The following AMPD3 variants were observed in gnomAD, a reference collection of about 807,000 sequenced individuals.
AMPD3 encodes AMP deaminase 3.
A neutral mutation model predicts 82.3 loss-of-function variants in AMPD3; 57 were observed. The observed-to-expected ratio is 0.69, with a 90% CI of 0.56 to 0.86. The LOEUF (loss-of-function observed/expected upper bound fraction) is 0.86. Among genes scored for constraint, AMPD3 ranks in the 40% least tolerant of loss-of-function variants. The pLI is 0.00. For missense variants in AMPD3, 870 were observed against 1,003.8 expected (o/e 0.87, Z 1.80); for synonymous variants, 381 against 394.7 (o/e 0.97, Z 0.41).
intron 3 of AMPD3, chr11:10,479,983 G>A: frequency 1.0e-6 from 1 of 985,372 alleles, no homozygotes; most frequent in Non-Finnish European, 1.2e-6. Flanking sequence ...GGTGGGCAGG[G>A]CATTGGAAAG....
At chr11:10,486,687 G>A in intron 5 of AMPD3, 1 of 985,442 alleles carries the variant, frequency 1.0e-6, no homozygotes, top group Non-Finnish European at 1.2e-6. Flanking sequence ...TCAGGGGGCT[G>A]GTTCCTCTGC....
chr11:10,507,341 G>T lies in AMPD3; in HGVS notation c.*1457G>T, dbSNP rs1363312055. The T allele has an allele frequency of 6.6e-6, 1 of 152,010 alleles. No individual in the cohort carries two copies. The highest frequency in any genetic ancestry group is 6.5e-5 in the Admixed American group (1 of 15,268). The allele number at this position is 152,010 out of a possible 1,614,324, so 9.4% of individuals were successfully genotyped here. On this transcript the variant is annotated 3_prime_UTR_variant, in exon 15 of 15. Coordinates refer to ENST00000396553, the MANE Select transcript of AMPD3 (RefSeq NM_001025389.2). ...TTTATAATGCCTGTCCCCTCCACTG[G>T]TCAATTCAGCATATGGAAGTATAAA...
chr11:10,502,761 C>T lies in AMPD3; in HGVS notation c.1883C>T (p.Pro628Leu). Residue 628 changes from proline (P) to leucine (L), a missense_variant, in exon 13 of 15, where the codon CCC becomes CTC. By Grantham distance (98) the Pro-to-Leu change is moderately conservative (BLOSUM62 -3). Coordinates refer to ENST00000396553, the MANE Select transcript of AMPD3 (RefSeq NM_001025389.2). ...LQYLYYLAQIPIAMSPLSNNS... is the reference protein window; with the variant it reads ...LQYLYYLAQILIAMSPLSNNS... ...TATCTCTACTACCTTGCTCAGATCC[C>T]CATTGCCATGTCTCCTCTTAGCAAC... 6.2e-7 allele frequency: 1 copy of T among 1,614,224 alleles called. No homozygotes were observed. Among genetic ancestry groups the T allele is most frequent in the African/African-American group, 1.3e-5 (1 of 75,060 alleles).
intron 2 of AMPD3, among the ~76,000 whole-genome samples, chr11:10,476,127 T>C (rs1169363129): frequency 6.6e-6 from 1 of 152,222 alleles, no homozygotes; most frequent in Non-Finnish European, 1.5e-5. Context: ...ATCCTTGGGC[T>C]CCATATAGCT....
chr11:10,500,607 T>A, intron 11 of AMPD3: 2 of 985,414 alleles, frequency 2.0e-6, no homozygotes, highest in Non-Finnish European at 2.4e-6. Flanking sequence ...AATGGAAGCA[T>A]AGGACATGCT....
At chr11:10,455,143 G>A, upstream of AMPD3, 1 of 985,310 alleles carries the variant, frequency 1.0e-6, no homozygotes, top group Non-Finnish European at 1.2e-6. Flanking sequence ...TCCTTCCTGA[G>A]CTCTTCTCCC....
upstream of AMPD3, among the ~76,000 whole-genome samples, chr11:10,452,524 C>G (rs375640064): frequency 6.6e-6 from 1 of 151,890 alleles, no homozygotes; most frequent in Non-Finnish European, 1.5e-5. Flanking sequence ...GAAGGATGTT[C>G]CTCCTCCTGA....
chr11:10,460,410 T>C (rs1330461970), intron 1 of AMPD3, among the ~76,000 whole-genome samples: 1 of 39,330 alleles, frequency 2.5e-5, no homozygotes, highest in African/African-American at 7.1e-5. Context: ...CAGAGTATAC[T>C]TTTTTTTTTT....
chr11:10,496,712 A>C, intron 9 of AMPD3, 100 bp from the exon 10 acceptor site: 1 of 1,589,546 alleles, frequency 6.3e-7, no homozygotes, highest in East Asian at 2.2e-5. Context: ...TGGGTGTTTG[A>C]TGGGGACACA....
Position 10,455,305 on chromosome 11 carries a change from G to A in AMPD3, c.-149G>A. 1 of 985,476 alleles carries A rather than the reference G, an allele frequency of 1.0e-6. No homozygotes were observed. Among genetic ancestry groups the A allele is most frequent in the Non-Finnish European group, 1.2e-6 (1 of 829,966 alleles). The allele number at this position is 985,476 out of a possible 1,614,324, so 61.0% of individuals were successfully genotyped here. Reference sequence around the variant, plus strand: ...GATGAAGATCAGAGCTTTGCACCCTGTGATGCCATTTTAATCAACCCTGCT... The same window carrying A: ...GATGAAGATCAGAGCTTTGCACCCTATGATGCCATTTTAATCAACCCTGCT... On this transcript the variant is annotated 5_prime_UTR_variant, in exon 1 of 15. The change creates a new upstream start codon in the 5' untranslated region. Coordinates refer to ENST00000396553, the MANE Select transcript of AMPD3 (RefSeq NM_001025389.2).
intron 2 of AMPD3, among the ~76,000 whole-genome samples, chr11:10,468,083 T>C (rs1473147211): frequency 6.6e-6 from 1 of 152,094 alleles, no homozygotes; most frequent in Non-Finnish European, 1.5e-5. Flanking sequence ...GTAAAGACTA[T>C]CAACACTTCG....
intron 1 of AMPD3, among the ~76,000 whole-genome samples, chr11:10,458,306 TCCC>T (rs1848161397): frequency 1.4e-5 from 2 of 142,840 alleles, no homozygotes; most frequent in African/African-American, 2.6e-5. Flanking sequence ...GCTCCCTCCC[TCCC>T]TCCCTTCGGC....
intron 9 of AMPD3, chr11:10,496,283 C>T: frequency 1.0e-6 from 1 of 985,326 alleles, no homozygotes; most frequent in Non-Finnish European, 1.2e-6. Flanking sequence ...CTACCCCCGC[C>T]TTCTTCTCAT....
intron 8 of AMPD3, 54 bp from the exon 9 acceptor site, chr11:10,495,516 G>C: frequency 6.2e-7 from 1 of 1,611,668 alleles, no homozygotes; most frequent in Non-Finnish European, 8.5e-7. Flanking sequence ...GAGAGTGAGA[G>C]TCTCCCATGT....
In AMPD3 at chr11:10,487,311, G is replaced by A. The variant is rs372251959; in HGVS notation, c.886G>A (p.Glu296Lys). 5.0e-5 allele frequency: 80 copies of A among 1,614,060 alleles called. No individual in the cohort carries two copies. Among genetic ancestry groups the A allele is most frequent in the Non-Finnish European group, 6.6e-5 (78 of 1,180,042 alleles). Reference sequence around the variant, plus strand: ...TCATGAGATGTTAAACGAAATGTCCGAGTTCAAAGAGTTGAAGAGTAACCC... The same window carrying A: ...TCATGAGATGTTAAACGAAATGTCCAAGTTCAAAGAGTTGAAGAGTAACCC... The part of the protein sequence containing the change: ...SLHEMLNEMS[E>K]FKELKSNPHR... The change falls in exon 6 of 15, where the codon GAG becomes AAG. Residue 296 changes from glutamate (E) to lysine (K), a missense_variant. By Grantham distance (56) the Glu-to-Lys change is moderately conservative. Transcript: ENST00000396553.
intron 8 of AMPD3, chr11:10,495,266 C>T (rs955675734): frequency 1.0e-6 from 1 of 985,466 alleles, no homozygotes; most frequent in Non-Finnish European, 1.2e-6. Context: ...GCCAAGCTCA[C>T]AGCACCTGGC....
At chr11:10,488,012 A>G (rs960880031) in intron 6 of AMPD3, among the ~76,000 whole-genome samples, 1 of 145,824 alleles carries the variant, frequency 6.9e-6, no homozygotes, top group Non-Finnish European at 1.5e-5. Context: ...AATTCCCTGA[A>G]AAAAAAAAAA....
intron 2 of AMPD3, among the ~76,000 whole-genome samples, chr11:10,470,773 C>G (rs12786914): frequency 0.15 from 23,146 of 152,090 alleles, 2,064 homozygotes; most frequent in Non-Finnish European, 0.2. Context: ...AGGACCTCTT[C>G]AAGGAGAATT....
chr11:10,486,633 G>A (rs957004000), intron 5 of AMPD3: 60 of 985,282 alleles, frequency 6.1e-5, no homozygotes, highest in Admixed American at 1.2e-4. Flanking sequence ...TCCTCTTGTC[G>A]TGAAGCCTCA....
Sources: allele counts gnomAD v4.1 joint callset (sites outside exome capture counted in the v4.1 genomes callset), GRCh38; gene constraint gnomAD v4.1.1; transcripts MANE v1.5; gene names NCBI Gene and HGNC (gene_info 2026-07-23, HGNC 2026-07-21).